Variants in SLC25A21 observed in about 807,000 individuals in gnomAD.
SLC25A21 encodes the protein solute carrier family 25 member 21.
SLC25A21 carries 47 observed loss-of-function variants against 43.8 expected under a neutral mutation model. That is an observed-to-expected ratio of 1.07 (90% CI 0.85 to 1.37). The LOEUF is 1.37. SLC25A21 is among the 40% of genes most tolerant of loss of function. The probability of loss-of-function intolerance (pLI) is 0.00; values close to 1 mark genes in which losing one functional copy is unlikely to be tolerated. For missense variants in SLC25A21, 352 were observed against 350.2 expected (o/e 1.00, Z -0.04); for synonymous variants, 131 against 121.3 (o/e 1.08, Z -0.52).
chr14:37,156,158 C>CA (rs61052100), intron 1 of SLC25A21, among the ~76,000 whole-genome samples: 3,398 of 103,632 alleles, frequency 0.033, 179 homozygotes, highest in East Asian at 0.28. Context: ...GACTCCATCT[C>CA]AAAAAAAAAA....
At chr14:37,159,099 G>GA (rs1157262122) in intron 1 of SLC25A21, among the ~76,000 whole-genome samples, 1 of 151,222 alleles carries the variant, frequency 6.6e-6, no homozygotes. Flanking sequence ...CAAACAAATG[G>GA]AAAAAAATCC....
intron 7 of SLC25A21, among the ~76,000 whole-genome samples, chr14:36,693,200 C>CT (rs1169438827): frequency 6.6e-6 from 1 of 152,188 alleles, no homozygotes; most frequent in Non-Finnish European, 1.5e-5. Flanking sequence ...CAGAAAATCA[C>CT]TTTAAAATTT....
At chr14:36,809,627 A>C (rs1202889858) in intron 3 of SLC25A21, among the ~76,000 whole-genome samples, 1 of 152,220 alleles carries the variant, frequency 6.6e-6, no homozygotes, top group Non-Finnish European at 1.5e-5. Context: ...TGCATCTCTA[A>C]GAATGGTGGA....
At chr14:37,153,085 T>A (rs1594820456) in intron 1 of SLC25A21, among the ~76,000 whole-genome samples, 1 of 151,996 alleles carries the variant, frequency 6.6e-6, no homozygotes, top group African/African-American at 2.4e-5. Flanking sequence ...GCAGCCCACA[T>A]CCCCACCATC....
In SLC25A21 at chr14:36,876,839, A is replaced by G. The variant is rs554808249; in HGVS notation, c.71-1835T>C. 2.6e-5 allele frequency among the ~76,000 whole-genome samples: 4 copies of G among 151,204 alleles called. No homozygotes were observed. The East Asian group carries it at 5.8e-4, about 22-fold the overall frequency. Reference sequence around the variant, plus strand: ...ATATATATATATGAAATATGTATATATATGAAATATATATATATGAAATGA... The same window carrying G: ...ATATATATATATGAAATATGTATATGTATGAAATATATATATATGAAATGA... On this transcript the variant is annotated intron_variant, in intron 1 of 9. Coordinates refer to ENST00000331299, the MANE Select transcript of SLC25A21 (RefSeq NM_030631.4).
chr14:36,800,774 A>T (rs1412645860), intron 3 of SLC25A21, among the ~76,000 whole-genome samples: 2 of 152,214 alleles, frequency 1.3e-5, no homozygotes, highest in Non-Finnish European at 2.9e-5. Flanking sequence ...ATAAAAAAAA[A>T]TTAAAGTCCC....
At position 36,680,008 on chromosome 14, in the gene SLC25A21, C is replaced by CATT; in HGVS notation, c.*649_*650insAAT. 1.2e-6 allele frequency: 1 copy of CATT among 866,648 alleles called. No homozygotes were observed. The highest frequency in any genetic ancestry group is 1.4e-6 in the Non-Finnish European group (1 of 723,254). 53.7% of individuals were successfully genotyped at this position (866,648 alleles called of 1,614,324 possible). ...ATGTTTTAAAATACCTATTTATTATCTTACAGCAATATGAGATATAAAGTA... is the reference window on the plus strand; with the variant it reads ...ATGTTTTAAAATACCTATTTATTATCATTTTACAGCAATATGAGATATAAAGTA... On this transcript the variant is annotated 3_prime_UTR_variant, in exon 10 of 10. Coordinates refer to ENST00000331299, the MANE Select transcript of SLC25A21 (RefSeq NM_030631.4).
chr14:36,769,871 A>T (rs1278193758), intron 3 of SLC25A21, among the ~76,000 whole-genome samples: 1 of 152,156 alleles, frequency 6.6e-6, no homozygotes, highest in East Asian at 1.9e-4. Context: ...GGGAACTACA[A>T]TTACTTTCTA....
At chr14:37,161,012 CG>C (rs149309236) in intron 1 of SLC25A21, among the ~76,000 whole-genome samples, 9 of 82,034 alleles carry the variant, frequency 1.1e-4, no homozygotes, top group Non-Finnish European at 1.5e-4. Context: ...GTGGAGGGGG[CG>C]GGGGGGAGGA....
chr14:37,117,868 GTTT>G (rs67564941), intron 1 of SLC25A21, among the ~76,000 whole-genome samples: 1 of 151,106 alleles, frequency 6.6e-6, no homozygotes, highest in Non-Finnish European at 1.5e-5. Context: ...TTTTTTGTTT[GTTT>G]TTTTTTTTTG....
At chr14:37,025,394 T>C (rs1359899736) in intron 1 of SLC25A21, among the ~76,000 whole-genome samples, 1 of 152,168 alleles carries the variant, frequency 6.6e-6, no homozygotes, top group Non-Finnish European at 1.5e-5. Flanking sequence ...ATTATTGTTA[T>C]CTTGGCATGT....
chr14:36,797,462 A>G (rs1887714273), intron 3 of SLC25A21, among the ~76,000 whole-genome samples: 1 of 152,148 alleles, frequency 6.6e-6, no homozygotes, highest in Non-Finnish European at 1.5e-5. Flanking sequence ...AAAGCAGCAA[A>G]ACAAACAAAA....
At chr14:37,106,929 C>G (rs370325234) in intron 1 of SLC25A21, among the ~76,000 whole-genome samples, 2 of 152,142 alleles carry the variant, frequency 1.3e-5, no homozygotes, top group African/African-American at 4.8e-5. Flanking sequence ...ATATTGGGGG[C>G]GGGTTCCCCC....
At chr14:37,026,872 T>C (rs1961103305) in intron 1 of SLC25A21, among the ~76,000 whole-genome samples, 1 of 152,138 alleles carries the variant, frequency 6.6e-6, no homozygotes, top group African/African-American at 2.4e-5. Context: ...ATTCTACTTA[T>C]GACAATCCAT....
chr14:36,691,592 TA>T (rs1180376882), intron 7 of SLC25A21, among the ~76,000 whole-genome samples: 1 of 152,176 alleles, frequency 6.6e-6, no homozygotes, highest in Non-Finnish European at 1.5e-5. Flanking sequence ...CATTGGAATT[TA>T]AAAACTGTTA....
At chr14:36,735,653 T>C (rs1271111244) in intron 3 of SLC25A21, among the ~76,000 whole-genome samples, 1 of 152,112 alleles carries the variant, frequency 6.6e-6, no homozygotes, top group Non-Finnish European at 1.5e-5. Context: ...CGGCGACCTC[T>C]TGTTCTCCTT....
intron 3 of SLC25A21, among the ~76,000 whole-genome samples, chr14:36,812,693 C>A (rs181023735): frequency 1.8e-3 from 271 of 151,976 alleles, no homozygotes; most frequent in Non-Finnish European, 1.8e-3. Context: ...ACCCATAATA[C>A]AAGTTTAACT....
chr14:36,857,523 C>T (rs570003103), intron 2 of SLC25A21, among the ~76,000 whole-genome samples: 7 of 152,100 alleles, frequency 4.6e-5, no homozygotes, highest in East Asian at 1.9e-4. Flanking sequence ...AAAATCATGC[C>T]GAGGCTTTTG....
At chr14:37,171,650 T>A (rs1281926733) in intron 1 of SLC25A21, among the ~76,000 whole-genome samples, 1 of 152,216 alleles carries the variant, frequency 6.6e-6, no homozygotes, top group Non-Finnish European at 1.5e-5. Context: ...AAAGTATTTC[T>A]AAGATTAATT....
Sources: allele counts gnomAD v4.1 joint callset (sites outside exome capture counted in the v4.1 genomes callset), GRCh38; gene constraint gnomAD v4.1.1; transcripts MANE v1.5; gene names NCBI Gene and HGNC (gene_info 2026-07-23, HGNC 2026-07-21).